The following VPS8 variants were observed in gnomAD, a reference collection of about 807,000 sequenced individuals.
The protein encoded by VPS8 is VPS8 subunit of CORVET complex.
A neutral mutation model predicts 216.4 loss-of-function variants in VPS8; 129 were observed. The ratio of observed to expected loss-of-function variants is 0.60; its 90% confidence interval spans 0.52 to 0.69. The LOEUF (loss-of-function observed/expected upper bound fraction) is 0.69, where lower values mean the gene tolerates loss of function less well. Among genes scored for constraint, VPS8 ranks in the 30% least tolerant of loss-of-function variants. The pLI is 0.00. For missense variants in VPS8, 1,531 were observed against 1,683.5 expected (o/e 0.91, Z 1.59); for synonymous variants, 571 against 565.4 (o/e 1.01, Z -0.14).
intron 3 of VPS8, among the ~76,000 whole-genome samples, chr3:184,827,721 A>G (rs957377806): frequency 1.3e-5 from 2 of 152,356 alleles, no homozygotes; most frequent in African/African-American, 2.4e-5. Context: ...AACAGTAAGT[A>G]TAGTCATTAG....
intron 28 of VPS8, among the ~76,000 whole-genome samples, chr3:184,917,043 T>C (rs1242448647): frequency 6.6e-6 from 1 of 152,198 alleles, no homozygotes; most frequent in Non-Finnish European, 1.5e-5. Flanking sequence ...AGATAAATAA[T>C]TATAGCACAG....
rs539219369 is a variant in VPS8, at chr3:184,888,725, T to C, written c.1781+2569T>C. 6.6e-5 allele frequency among the ~76,000 whole-genome samples: 10 copies of C among 152,312 alleles called. No homozygotes were observed. In the South Asian group the frequency reaches 2.1e-3, roughly 32 times the overall value. On this transcript the variant is annotated intron_variant, in intron 22 of 47. Transcript: ENST00000625842. ...ATCAACTCTGATATTCAAATTGAGA[T>C]AATTTATAAATGAGATGAAGTGAAG...
intron 36 of VPS8, among the ~76,000 whole-genome samples, chr3:184,956,506 C>T (rs1292186401): frequency 1.3e-5 from 2 of 152,176 alleles, no homozygotes; most frequent in African/African-American, 2.4e-5. Context: ...TAACCGTATT[C>T]CAGTTATTTA....
At chr3:185,045,971 TA>T (rs1284208616) in intron 46 of VPS8, among the ~76,000 whole-genome samples, 1 of 152,218 alleles carries the variant, frequency 6.6e-6, no homozygotes, top group Non-Finnish European at 1.5e-5. Context: ...GGATTTCCTT[TA>T]ATGCTGAGTA....
At position 185,030,585 on chromosome 3, in the gene VPS8, G is replaced by A. The variant is rs1005524828; in HGVS notation, c.4056+6196G>A. Among the ~76,000 whole-genome samples, 9 of 152,274 alleles carry A rather than the reference G, an allele frequency of 5.9e-5. No individual in the cohort carries two copies. The South Asian group carries it at 6.2e-4, about 11-fold the overall frequency. ...TGTGAGTCCATTCAGTAAATATTCC[G>A]CAAGCCTGTTAGGTGCCAGGGTTCA... On this transcript the variant is annotated intron_variant, in intron 46 of 47. Transcript: ENST00000625842.
chr3:184,884,794 A>G (rs184019443), intron 21 of VPS8, among the ~76,000 whole-genome samples: 126 of 152,356 alleles, frequency 8.3e-4, no homozygotes, highest in Non-Finnish European at 1.6e-3. Context: ...TAGGATTGGT[A>G]ACAGCTTGGA....
chr3:185,004,164 C>T (rs989057332), intron 45 of VPS8, among the ~76,000 whole-genome samples: 6 of 152,114 alleles, frequency 3.9e-5, no homozygotes, highest in Admixed American at 6.5e-5. Flanking sequence ...GCCGAGACCA[C>T]GCCACTGCAC....
At chr3:185,050,600 A>G (rs1306959038) in intron 47 of VPS8, among the ~76,000 whole-genome samples, 1 of 152,218 alleles carries the variant, frequency 6.6e-6, no homozygotes. Context: ...ACCGCCACTC[A>G]CTGCTGGTGA....
At chr3:184,896,580 C>A (rs774243431) in intron 23 of VPS8, among the ~76,000 whole-genome samples, 22 of 152,142 alleles carry the variant, frequency 1.4e-4, no homozygotes, top group Admixed American at 2.6e-4. Flanking sequence ...ACAATGGCCT[C>A]TTTGTCCACT....
At chr3:184,839,999 A>G in intron 7 of VPS8, 1 of 922,056 alleles carries the variant, frequency 1.1e-6, no homozygotes, top group Non-Finnish European at 1.4e-6. Flanking sequence ...TCTCTCTGCA[A>G]ACCTAGACAA....
chr3:184,850,122 G>A lies in VPS8; in HGVS notation c.753+100G>A, dbSNP rs998653609. 4.3e-5 allele frequency: 39 copies of A among 915,584 alleles called. 1 individual carries two copies. Among genetic ancestry groups the A allele is most frequent in the Non-Finnish European group, 5.6e-5 (34 of 611,308 alleles). 56.7% of individuals were successfully genotyped at this position (915,584 alleles called of 1,614,324 possible). A position where few individuals can be genotyped will look rare whatever the true frequency, so the allele number is the denominator to read the frequency against. On this transcript the variant is annotated intron_variant, in intron 10 of 47. Transcript: ENST00000625842. ...TGTTGATGATCAGAGTCCAAAAAAT[G>A]TATTTAACATGAAGCTGAACATTAC...
intron 22 of VPS8, among the ~76,000 whole-genome samples, chr3:184,886,740 C>T (rs985210533): frequency 1.5e-4 from 23 of 151,996 alleles, no homozygotes; most frequent in African/African-American, 4.6e-4. Context: ...CTGCCACACC[C>T]GGCTAATTTT....
At chr3:185,016,563 A>C (rs1755825645) in intron 45 of VPS8, among the ~76,000 whole-genome samples, 1 of 152,238 alleles carries the variant, frequency 6.6e-6, no homozygotes, top group Non-Finnish European at 1.5e-5. Context: ...AACTGTTCAC[A>C]GTCCTGCTCA....
At chr3:184,937,232 A>G (rs1253692320) in intron 35 of VPS8, among the ~76,000 whole-genome samples, 1 of 152,120 alleles carries the variant, frequency 6.6e-6, no homozygotes, top group Non-Finnish European at 1.5e-5. Context: ...GGCCGTGCTG[A>G]TGTTGAGTTT....
At chr3:184,841,163 TA>T (rs1722067909) in intron 7 of VPS8, among the ~76,000 whole-genome samples, 1 of 152,168 alleles carries the variant, frequency 6.6e-6, no homozygotes, top group African/African-American at 2.4e-5. Flanking sequence ...TTAAAACCTA[TA>T]TAGTTGATAT....
intron 36 of VPS8, among the ~76,000 whole-genome samples, chr3:184,945,024 G>A (rs767373186): frequency 3.9e-5 from 6 of 151,926 alleles, no homozygotes; most frequent in Non-Finnish European, 8.8e-5. Flanking sequence ...TGGCCAAGGT[G>A]ATTGTTAATT....
intron 8 of VPS8, among the ~76,000 whole-genome samples, chr3:184,843,664 C>T (rs1722591487): frequency 6.6e-6 from 1 of 152,144 alleles, no homozygotes; most frequent in Non-Finnish European, 1.5e-5. Context: ...ATGCAAAATC[C>T]TAGATTTTAA....
At chr3:185,036,107 C>T (rs1758838639) in intron 46 of VPS8, among the ~76,000 whole-genome samples, 1 of 152,032 alleles carries the variant, frequency 6.6e-6, no homozygotes, top group South Asian at 2.1e-4. Flanking sequence ...TGAAAGAAAT[C>T]GGAGATGACA....
At chr3:184,850,649 T>C (rs1418607421) in intron 10 of VPS8, among the ~76,000 whole-genome samples, 2 of 152,252 alleles carry the variant, frequency 1.3e-5, no homozygotes, top group Non-Finnish European at 2.9e-5. Flanking sequence ...GAATGTTGAT[T>C]CTTCCACGCT....
Sources: gnomAD v4.1 joint callset for allele counts (sites outside exome capture counted in the v4.1 genomes callset) on GRCh38, gnomAD v4.1.1 for gene constraint, MANE v1.5 for transcripts, NCBI Gene and HGNC (gene_info 2026-07-23, HGNC 2026-07-21) for gene names.